Variants in LOXHD1 observed in about 807,000 individuals in gnomAD.
LOXHD1 encodes the protein lipoxygenase homology domain-containing protein 1.
A neutral mutation model predicts 248.2 loss-of-function variants in LOXHD1; 205 were observed. The ratio of observed to expected loss-of-function variants is 0.83; its 90% CI spans 0.74 to 0.93. The LOEUF (loss-of-function observed/expected upper bound fraction) is 0.93. Ranked by LOEUF, LOXHD1 falls within the 40% of genes least tolerant of loss-of-function variation. The pLI is 0.00. For missense variants in LOXHD1, 2,930 were observed against 2,971.6 expected (o/e 0.99, Z 0.33); for synonymous variants, 1,113 against 1,162.8 (o/e 0.96, Z 0.87).
At position 46,577,820 on chromosome 18, in the gene LOXHD1, C is replaced by T. The variant is rs1269464245; in HGVS notation, c.1857G>A (p.Arg619=). The change falls in exon 14 of 41, where the codon CGG becomes CGA. Residue 619 remains arginine (R), a synonymous_variant. Coordinates refer to ENST00000642948, the MANE Select transcript of LOXHD1 (RefSeq NM_001384474.1). The part of the protein sequence containing the change: ...IESVTMRNVR[R]VRIRHDGKGS... ...CTTTGCCATCGTGTCTGATCCTCAC[C>T]CGCCTCACATTCCGCATGGTGACAG... 6.4e-7 allele frequency: 1 copy of T among 1,551,696 alleles called. No homozygotes were observed. Among genetic ancestry groups the T allele is most frequent in the Non-Finnish European group, 8.7e-7 (1 of 1,147,012 alleles).
chr18:46,522,336 C>A, intron 31 of LOXHD1, 27 bp from the exon 32 acceptor site: 1 of 1,534,800 alleles, frequency 6.5e-7, no homozygotes, highest in South Asian at 1.2e-5. Flanking sequence ...GGCTCAGGTT[C>A]ATAACAGACC....
intron 28 of LOXHD1, 94 bp from the exon 29 acceptor site, chr18:46,529,425 G>T: frequency 7.1e-7 from 1 of 1,412,526 alleles, no homozygotes; most frequent in Non-Finnish European, 9.4e-7. Context: ...GAGGTGCTAA[G>T]CTTCTGGCCT....
At chr18:46,534,524 T>C in intron 26 of LOXHD1, 73 bp from the exon 27 acceptor site, 1 of 1,115,830 alleles carries the variant, frequency 9.0e-7, no homozygotes, top group Non-Finnish European at 1.3e-6. Flanking sequence ...AACATCCTGC[T>C]TCCCCAGGGC....
intron 4 of LOXHD1, among the ~76,000 whole-genome samples, chr18:46,626,962 G>C (rs952517368): frequency 1.3e-5 from 2 of 152,170 alleles, no homozygotes; most frequent in African/African-American, 4.8e-5. Flanking sequence ...CAGCCATTGA[G>C]TAAGTGCTGC....
intron 35 of LOXHD1, 122 bp from the exon 36 acceptor site, chr18:46,507,834 T>G: frequency 2.9e-6 from 3 of 1,043,820 alleles, no homozygotes; most frequent in Non-Finnish European, 4.1e-6. Context: ...AGACAAGCGC[T>G]TGCGACTGAG....
At position 46,557,421 on chromosome 18, in the gene LOXHD1, G is replaced by C; in HGVS notation, c.3285C>G (p.Asn1095Lys). Residue 1095 changes from asparagine to lysine, a missense_variant, in exon 21 of 41, where the codon AAC becomes AAG. By Grantham distance (94) the Asn-to-Lys change is moderately conservative. Transcript: ENST00000642948. ...ALTKIRIRHDNTGNRAGWFLD... is the reference protein window; with the variant it reads ...ALTKIRIRHDKTGNRAGWFLD... ...GGAACCAGCCTGCTCTGTTGCCTGT[G>C]TTGTCGTGGCGAATCCGAATCTTGG... is the stretch of plus-strand genomic sequence containing the variant. The C allele has an allele frequency of 6.4e-7, 1 of 1,552,288 alleles. No homozygotes were observed. The highest frequency in any genetic ancestry group is 8.7e-7 in the Non-Finnish European group (1 of 1,147,132).
Position 46,601,223 on chromosome 18 carries a change from A to C in LOXHD1, c.1128T>G (p.Cys376Trp). The C allele has an allele frequency of 6.4e-7, 1 of 1,550,704 alleles. No homozygotes were observed. ...CTCTGGGGGCATCCCTTACCTTCTC[A>C]CAGAACCAGCCTCTGTTGACACCCA... ...GNVGVNRGWFCEKVVILCPFT... is the reference protein window; with the variant it reads ...GNVGVNRGWFWEKVVILCPFT... Residue 376 changes from cysteine (C) to tryptophan (W), a missense_variant, in exon 8 of 41, where the codon TGT becomes TGG. Physicochemically the swap from Cys to Trp is radical, Grantham distance 215. Transcript: ENST00000642948.
At chr18:46,482,711 A>G (rs2032682195) in intron 40 of LOXHD1, among the ~76,000 whole-genome samples, 1 of 152,228 alleles carries the variant, frequency 6.6e-6, no homozygotes. Flanking sequence ...GGCTCTGCCT[A>G]GGTCCAGCCT....
intron 18 of LOXHD1, 137 bp from the exon 19 acceptor site, chr18:46,560,682 T>C: frequency 1.3e-6 from 1 of 791,330 alleles, no homozygotes; most frequent in South Asian, 1.9e-5. Context: ...GCCTCTGTGC[T>C]CAGATCCTTC....
At chr18:46,584,173 T>C (rs568875405) in intron 12 of LOXHD1, among the ~76,000 whole-genome samples, 4 of 151,960 alleles carry the variant, frequency 2.6e-5, no homozygotes, top group African/African-American at 7.2e-5. Context: ...GTCGATGTCA[T>C]AGAGGCAGGG....
chr18:46,643,381 A>G (rs1022525773), intron 2 of LOXHD1, among the ~76,000 whole-genome samples: 1 of 152,224 alleles, frequency 6.6e-6, no homozygotes, highest in African/African-American at 2.4e-5. Flanking sequence ...CACCATTGGC[A>G]AAATAAAGAC....
At chr18:46,557,564 A>T in intron 20 of LOXHD1, 75 bp from the exon 21 acceptor site, 3 of 1,532,612 alleles carry the variant, frequency 2.0e-6, no homozygotes, top group Non-Finnish European at 2.7e-6. Flanking sequence ...CATCCTCCCA[A>T]GAACCAGGGC....
At chr18:46,576,333 C>A in intron 14 of LOXHD1, among the ~76,000 whole-genome samples, 1 of 152,272 alleles carries the variant, frequency 6.6e-6, no homozygotes, top group Non-Finnish European at 1.5e-5. Context: ...CCCCACACCC[C>A]GCTTCCCCCG....
chr18:46,517,688 G>C (rs1053810123), intron 34 of LOXHD1, among the ~76,000 whole-genome samples: 1 of 151,994 alleles, frequency 6.6e-6, no homozygotes. Flanking sequence ...TTTGAAAATT[G>C]ACTATATTTT....
chr18:46,610,998 C>G, intron 5 of LOXHD1, 74 bp from the exon 6 acceptor site: 1 of 1,512,340 alleles, frequency 6.6e-7, no homozygotes, highest in Non-Finnish European at 8.9e-7. Context: ...CATGGTCCGC[C>G]CACTGAAAGA....
chr18:46,630,838 GCA>G (rs533011657), intron 4 of LOXHD1, among the ~76,000 whole-genome samples: 32 of 152,294 alleles, frequency 2.1e-4, no homozygotes, highest in South Asian at 8.3e-4. Context: ...TGCTTAGCTA[GCA>G]CAGTGTCAGA....
rs1467205940 is a variant in LOXHD1, at chr18:46,534,374, G to C, written c.4173C>G (p.Cys1391Trp). ...GGAGCCTGCGGATGTCCACGTGAGAGCAGTGCCACCCAGGATTCATGCCCG... is the reference window on the plus strand; with the variant it reads ...GGAGCCTGCGGATGTCCACGTGAGACCAGTGCCACCCAGGATTCATGCCCG... ...NNTGMNPGWHCSHVDIRRLLP... is the reference protein window; with the variant it reads ...NNTGMNPGWHWSHVDIRRLLP... The change falls in exon 27 of 41, where the codon TGC becomes TGG. Residue 1391 changes from cysteine (C) to tryptophan (W), a missense_variant. By Grantham distance (215) the Cys-to-Trp change is radical. Transcript: ENST00000642948. 6.4e-7 allele frequency: 1 copy of C among 1,551,684 alleles called. No individual in the cohort carries two copies. The highest frequency in any genetic ancestry group is 1.2e-5 in the South Asian group (1 of 84,046).
intron 4 of LOXHD1, among the ~76,000 whole-genome samples, chr18:46,619,967 C>A (rs1051160672): frequency 1.3e-5 from 2 of 152,154 alleles, no homozygotes; most frequent in Non-Finnish European, 2.9e-5. Flanking sequence ...CAGCCAGAAC[C>A]GGAGGTTTTG....
intron 20 of LOXHD1, 87 bp downstream of exon 20, chr18:46,559,361 C>A (rs2037459154): frequency 6.5e-7 from 1 of 1,549,782 alleles, no homozygotes; most frequent in Non-Finnish European, 8.7e-7. Context: ...AACACAGCAG[C>A]CATTGTGCTG....
Sources: allele counts gnomAD v4.1 joint callset (sites outside exome capture counted in the v4.1 genomes callset), GRCh38; gene constraint gnomAD v4.1.1; transcripts MANE v1.5; gene names NCBI Gene and HGNC (gene_info 2026-07-23, HGNC 2026-07-21).